Variants in EBF2 observed in about 807,000 individuals in gnomAD.
EBF2 encodes the protein transcription factor COE2.
A neutral mutation model predicts 72.8 loss-of-function variants in EBF2; 21 were observed. That is an observed-to-expected ratio of 0.29 (90% CI 0.20 to 0.42). The LOEUF is 0.42. EBF2 is among the 10% of genes least tolerant of loss of function. EBF2 has a pLI of 1.00. For synonymous variants in EBF2, 299 were observed against 274.2 expected (o/e 1.09, Z -0.89); for missense variants, 637 against 731.2 (o/e 0.87, Z 1.49).
chr8:26,018,746 T>C (rs1007778533), intron 6 of EBF2, among the ~76,000 whole-genome samples: 4 of 151,892 alleles, frequency 2.6e-5, no homozygotes, highest in Non-Finnish European at 4.4e-5. Context: ...TGCTGATGTG[T>C]AGTTGGTAGC....
chr8:25,874,671 T>C (rs1802491335), intron 10 of EBF2, among the ~76,000 whole-genome samples: 2 of 151,850 alleles, frequency 1.3e-5, no homozygotes, highest in Admixed American at 1.3e-4. Context: ...AACTTCTGGG[T>C]TCTTTTAAAA....
chr8:25,966,353 C>T (rs1239050531), intron 6 of EBF2, among the ~76,000 whole-genome samples: 5 of 152,194 alleles, frequency 3.3e-5, no homozygotes, highest in Non-Finnish European at 7.3e-5. Flanking sequence ...CAGGGCACTG[C>T]TTTTCTTCCC....
intron 6 of EBF2, among the ~76,000 whole-genome samples, chr8:25,946,644 T>C (rs1803773435): frequency 6.6e-6 from 1 of 152,204 alleles, no homozygotes; most frequent in African/African-American, 2.4e-5. Context: ...CACCTGTGCA[T>C]CACGGGAGAA....
intron 6 of EBF2, among the ~76,000 whole-genome samples, chr8:25,974,385 C>T (rs1010796815): frequency 6.6e-6 from 1 of 152,186 alleles, no homozygotes; most frequent in African/African-American, 2.4e-5. Flanking sequence ...AAGATTTGAT[C>T]CAAGTACACT....
At chr8:25,998,311 G>A (rs1804669830) in intron 6 of EBF2, among the ~76,000 whole-genome samples, 2 of 152,182 alleles carry the variant, frequency 1.3e-5, no homozygotes, top group Admixed American at 1.3e-4. Flanking sequence ...AGCAATAGGT[G>A]TGAAGGAAAC....
intron 6 of EBF2, among the ~76,000 whole-genome samples, chr8:25,985,266 C>T (rs1474312647): frequency 6.6e-6 from 1 of 152,188 alleles, no homozygotes; most frequent in East Asian, 1.9e-4. Flanking sequence ...CTGCTGCCTT[C>T]TCTGAAATAC....
chr8:25,851,908 C>T (rs1455746369), intron 14 of EBF2, among the ~76,000 whole-genome samples: 2 of 152,160 alleles, frequency 1.3e-5, no homozygotes, highest in South Asian at 2.1e-4. Context: ...TCCCCTCCTT[C>T]CCTATAAAAA....
At chr8:25,961,509 C>T (rs1804033455) in intron 6 of EBF2, among the ~76,000 whole-genome samples, 1 of 152,098 alleles carries the variant, frequency 6.6e-6, no homozygotes, top group African/African-American at 2.4e-5. Context: ...ACTACAGGCA[C>T]CCGCCACCAC....
At chr8:25,994,624 C>T (rs1460548234) in intron 6 of EBF2, among the ~76,000 whole-genome samples, 1 of 152,130 alleles carries the variant, frequency 6.6e-6, no homozygotes, top group Non-Finnish European at 1.5e-5. Flanking sequence ...AGAACAAAAT[C>T]ATGTCTTTTG....
chr8:25,993,073 C>T (rs1804570969), intron 6 of EBF2, among the ~76,000 whole-genome samples: 1 of 152,068 alleles, frequency 6.6e-6, no homozygotes, highest in Non-Finnish European at 1.5e-5. Context: ...CTACGGACAC[C>T]AAAGGCTCTC....
intron 6 of EBF2, among the ~76,000 whole-genome samples, chr8:25,928,199 G>T (rs548120590): frequency 1.9e-4 from 29 of 152,248 alleles, no homozygotes; most frequent in Admixed American, 1.2e-3. Flanking sequence ...AGCTAGTGTG[G>T]ATTCCTGAGA....
At chr8:25,940,562 C>A (rs1585202412) in intron 6 of EBF2, among the ~76,000 whole-genome samples, 1 of 151,368 alleles carries the variant, frequency 6.6e-6, no homozygotes, top group Admixed American at 6.6e-5. Context: ...AGATAGAAAG[C>A]AACCTCTGTG....
intron 10 of EBF2, among the ~76,000 whole-genome samples, chr8:25,867,070 A>G (rs1368388336): frequency 6.6e-6 from 1 of 152,168 alleles, no homozygotes; most frequent in African/African-American, 2.4e-5. Flanking sequence ...ACATTTCCTT[A>G]ACACAACTGG....
intron 10 of EBF2, among the ~76,000 whole-genome samples, chr8:25,881,996 C>T (rs866859954): frequency 1.3e-5 from 2 of 152,236 alleles, no homozygotes; most frequent in Non-Finnish European, 2.9e-5. Context: ...ACTCATTCTC[C>T]AAGCCCAGGT....
intron 2 of EBF2, 28 bp downstream of exon 2, chr8:26,042,067 C>T (rs764351051): frequency 6.2e-7 from 1 of 1,606,470 alleles, no homozygotes; most frequent in Non-Finnish European, 8.5e-7. Context: ...TATTAGGCCG[C>T]GGGGTTTGGG....
chr8:25,858,613 C>T (rs1802145555), intron 13 of EBF2, 109 bp from the exon 14 acceptor site: 3 of 996,360 alleles, frequency 3.0e-6, no homozygotes, highest in Non-Finnish European at 1.5e-6. Flanking sequence ...TCACCAGCTG[C>T]CCCGGGCAGT....
At chr8:26,021,522 C>T (rs1805202688) in intron 6 of EBF2, among the ~76,000 whole-genome samples, 1 of 152,142 alleles carries the variant, frequency 6.6e-6, no homozygotes, top group African/African-American at 2.4e-5. Flanking sequence ...ACATAAGAAA[C>T]CAGGATTCAG....
intron 6 of EBF2, among the ~76,000 whole-genome samples, chr8:26,001,477 C>G (rs902327446): frequency 6.6e-6 from 1 of 152,134 alleles, no homozygotes; most frequent in African/African-American, 2.4e-5. Context: ...TTTCTTTTCT[C>G]TTACAGTATC....
chr8:25,997,977 T>A (rs1209213505), intron 6 of EBF2, among the ~76,000 whole-genome samples: 1 of 152,168 alleles, frequency 6.6e-6, no homozygotes, highest in Non-Finnish European at 1.5e-5. Flanking sequence ...GTATTAGAAT[T>A]CCAAGGATAA....
Sources: allele counts gnomAD v4.1 joint callset (sites outside exome capture counted in the v4.1 genomes callset), GRCh38; gene constraint gnomAD v4.1.1; transcripts MANE v1.5; gene names NCBI Gene and HGNC (gene_info 2026-07-23, HGNC 2026-07-21).